NCKAP5: variants seen among roughly 807,000 people sequenced by gnomAD.
NCKAP5 encodes the protein nck-associated protein 5.
A neutral mutation model predicts 167.0 loss-of-function variants in NCKAP5; 92 were observed. That is an observed-to-expected ratio of 0.55 (90% CI 0.47 to 0.66). NCKAP5 has a LOEUF of 0.66. Ranked by LOEUF, NCKAP5 falls within the 30% of genes least tolerant of loss-of-function variation. The pLI is 0.00. For synonymous variants in NCKAP5, 891 were observed against 877.4 expected (o/e 1.02, Z -0.27); for missense variants, 2,378 against 2,315.0 (o/e 1.03, Z -0.56).
chr2:133,094,961 A>C (rs907016999), intron 6 of NCKAP5, among the ~76,000 whole-genome samples: 7 of 152,130 alleles, frequency 4.6e-5, no homozygotes, highest in African/African-American at 9.7e-5. Context: ...TATAACCCCC[A>C]AAAACTGAAT....
chr2:133,413,183 A>G (rs997816637), intron 3 of NCKAP5, among the ~76,000 whole-genome samples: 3 of 152,244 alleles, frequency 2.0e-5, no homozygotes, highest in Non-Finnish European at 4.4e-5. Context: ...GCACACAGCT[A>G]TAGGCACATG....
At chr2:132,764,964 T>C (rs559099925) in intron 16 of NCKAP5, among the ~76,000 whole-genome samples, 1 of 152,356 alleles carries the variant, frequency 6.6e-6, no homozygotes, top group East Asian at 1.9e-4. Context: ...ATGAGACAGA[T>C]AATTATCGGG....
chr2:132,905,804 T>C (rs1693965088), intron 8 of NCKAP5, among the ~76,000 whole-genome samples: 1 of 152,196 alleles, frequency 6.6e-6, no homozygotes, highest in Admixed American at 6.5e-5. Context: ...ACTGCACTCT[T>C]TATCCGTTCT....
intron 19 of NCKAP5, among the ~76,000 whole-genome samples, chr2:132,703,837 T>C (rs1688102617): frequency 6.6e-6 from 1 of 152,356 alleles, no homozygotes; most frequent in African/African-American, 2.4e-5. Flanking sequence ...TATTTATACA[T>C]ATTTCATAAT....
intron 11 of NCKAP5, among the ~76,000 whole-genome samples, chr2:132,835,475 C>A (rs1031353200): frequency 6.6e-6 from 1 of 151,974 alleles, no homozygotes; most frequent in Admixed American, 6.6e-5. Flanking sequence ...ACTAAGCATT[C>A]AATTTCATTA....
intron 3 of NCKAP5, among the ~76,000 whole-genome samples, chr2:133,496,868 T>G (rs922972907): frequency 6.6e-6 from 1 of 152,210 alleles, no homozygotes; most frequent in Non-Finnish European, 1.5e-5. Flanking sequence ...CCAAGTATAT[T>G]TGCAAAGAAG....
chr2:133,636,139 C>T, the NCKAP5 span, among the ~76,000 whole-genome samples: 1,089 of 152,084 alleles, frequency 7.2e-3, 14 homozygotes, highest in African/African-American at 0.025. Context: ...TGTACTGTGG[C>T]GATAAAAAAC....
At chr2:132,760,802 A>G (rs1217626366) in intron 16 of NCKAP5, among the ~76,000 whole-genome samples, 1 of 152,218 alleles carries the variant, frequency 6.6e-6, no homozygotes, top group Admixed American at 6.5e-5. Flanking sequence ...GTACTCAAAC[A>G]GTGTAATATA....
chr2:132,785,054 T>G lies in NCKAP5; in HGVS notation c.1757A>C (p.Glu586Ala). 1.2e-6 allele frequency: 2 copies of G among 1,614,060 alleles called. No individual in the cohort carries two copies. The highest frequency in any genetic ancestry group is 1.7e-6 in the Non-Finnish European group (2 of 1,179,898). Reference sequence around the variant, plus strand: ...CTCTATGTGCAGCTCATCAAACGTTTCATTGTCATCAGTGTCTGAAAGCTG... The same window carrying G: ...CTCTATGTGCAGCTCATCAAACGTTGCATTGTCATCAGTGTCTGAAAGCTG... ...NLQLSDTDDN[E>A]TFDELHIESS... Residue 586 changes from glutamate to alanine, a missense_variant, in exon 14 of 20, where the codon GAA becomes GCA. Physicochemically the swap from Glu to Ala is moderately radical, Grantham distance 107. Coordinates refer to ENST00000409261, the MANE Select transcript of NCKAP5 (RefSeq NM_207363.3).
intron 11 of NCKAP5, among the ~76,000 whole-genome samples, chr2:132,833,099 A>T (rs1014172280): frequency 1.1e-4 from 16 of 152,042 alleles, no homozygotes; most frequent in Non-Finnish European, 2.2e-4. Context: ...TTGTAGTTTT[A>T]ATTTGCACTT....
chr2:133,428,393 T>C (rs944748733), intron 3 of NCKAP5, among the ~76,000 whole-genome samples: 2 of 152,134 alleles, frequency 1.3e-5, no homozygotes, highest in Non-Finnish European at 2.9e-5. Context: ...AGTTACATTA[T>C]TCGGTAAATT....
At chr2:133,588,964 G>A in the NCKAP5 span, among the ~76,000 whole-genome samples, 1 of 152,190 alleles carries the variant, frequency 6.6e-6, no homozygotes, top group Admixed American at 6.5e-5. Context: ...CGGCAGGGAG[G>A]AAATGAGGTG....
chr2:133,587,326 C>A, the NCKAP5 span, among the ~76,000 whole-genome samples: 5,609 of 152,112 alleles, frequency 0.037, 366 homozygotes, highest in African/African-American at 0.13. Context: ...GTGCTCAGAA[C>A]AATGCCTGGC....
rs1462890832 is a variant in NCKAP5, at chr2:133,024,744, G to A, written c.342-30505C>T. ...CTAGCTTGCGCTCATAAAGAAACCT[G>A]TTTTCTCAATCTTCTCCTCTTATTT... On this transcript the variant is annotated intron_variant, in intron 6 of 19. Transcript: ENST00000409261. Among the ~76,000 whole-genome samples, 4 of 152,258 alleles carry A rather than the reference G, an allele frequency of 2.6e-5. No individual in the cohort carries two copies. The East Asian group carries it at 7.7e-4, about 29-fold the overall frequency.
intron 3 of NCKAP5, among the ~76,000 whole-genome samples, chr2:133,350,822 A>C (rs1559407228): frequency 1.3e-5 from 2 of 151,810 alleles, no homozygotes; most frequent in African/African-American, 4.8e-5. Flanking sequence ...AAGCCACAAG[A>C]CCTTTGCACA....
At chr2:133,652,282 G>C in the NCKAP5 span, among the ~76,000 whole-genome samples, 1 of 152,156 alleles carries the variant, frequency 6.6e-6, no homozygotes, top group African/African-American at 2.4e-5. Context: ...ATTAAATATA[G>C]CAAGTGATAG....
intron 3 of NCKAP5, among the ~76,000 whole-genome samples, chr2:133,389,562 T>C (rs1035981167): frequency 6.6e-6 from 1 of 152,242 alleles, no homozygotes; most frequent in African/African-American, 2.4e-5. Flanking sequence ...CAAAGTGTTC[T>C]CTTGCTCTAT....
chr2:132,776,281 G>T (rs1402679048), intron 15 of NCKAP5, among the ~76,000 whole-genome samples: 1 of 151,738 alleles, frequency 6.6e-6, no homozygotes, highest in South Asian at 2.1e-4. Flanking sequence ...ATGTGTGTGT[G>T]TATAATTCTC....
chr2:132,859,117 G>A (rs6736014), intron 11 of NCKAP5, among the ~76,000 whole-genome samples: 46,876 of 151,990 alleles, frequency 0.31, 7,917 homozygotes, highest in East Asian at 0.65. Flanking sequence ...AGATGACTTC[G>A]CTCCCACCCC....
Sources: gnomAD v4.1 joint callset for allele counts (sites outside exome capture counted in the v4.1 genomes callset) on GRCh38, gnomAD v4.1.1 for gene constraint, MANE v1.5 for transcripts, NCBI Gene and HGNC (gene_info 2026-07-23, HGNC 2026-07-21) for gene names.